Variants in ATG7 observed in about 807,000 individuals in gnomAD.
The protein encoded by ATG7 is ubiquitin-like modifier-activating enzyme ATG7.
Under a neutral mutation model 82.4 loss-of-function variants are expected in ATG7, and 70 were observed. The ratio of observed to expected loss-of-function variants is 0.85; its 90% confidence interval spans 0.70 to 1.04. The LOEUF is 1.04. ATG7 is among the 50% of genes least tolerant of loss of function. The pLI is 0.00. For synonymous variants in ATG7, 287 were observed against 313.0 expected (o/e 0.92, Z 0.88); for missense variants, 792 against 864.3 (o/e 0.92, Z 1.05).
At chr3:11,371,858 C>A (rs1349275167) in intron 18 of ATG7, among the ~76,000 whole-genome samples, 1 of 151,354 alleles carries the variant, frequency 6.6e-6, no homozygotes, top group Non-Finnish European at 1.5e-5. Context: ...ACATCTGCAG[C>A]CCCAACAGGT....
At chr3:11,378,027 A>AATTTTTTTTTTTTTTT (rs2077556246) in intron 18 of ATG7, among the ~76,000 whole-genome samples, 2 of 92,730 alleles carry the variant, frequency 2.2e-5, no homozygotes, top group South Asian at 9.1e-4. Flanking sequence ...CCAGTTACCA[A>AATTTTTTTTTTTTTTT]TTTTTTTTTT....
intron 14 of ATG7, among the ~76,000 whole-genome samples, chr3:11,355,485 A>G (rs1211064364): frequency 6.6e-6 from 1 of 152,242 alleles, no homozygotes; most frequent in Non-Finnish European, 1.5e-5. Flanking sequence ...CTTATCCAGA[A>G]CACGCAAGAT....
At chr3:11,418,972 C>G (rs577382008) in intron 19 of ATG7, among the ~76,000 whole-genome samples, 7 of 152,046 alleles carry the variant, frequency 4.6e-5, no homozygotes, top group Non-Finnish European at 2.9e-5. Flanking sequence ...GCCCCTCCCC[C>G]CCGATCCAGT....
At chr3:11,403,184 A>G (rs965050009) in intron 19 of ATG7, among the ~76,000 whole-genome samples, 1 of 152,236 alleles carries the variant, frequency 6.6e-6, no homozygotes, top group Non-Finnish European at 1.5e-5. Flanking sequence ...TTGTAAGACT[A>G]GAGTCTGATA....
At chr3:11,420,916 C>T (rs550459766) in intron 19 of ATG7, among the ~76,000 whole-genome samples, 17 of 151,938 alleles carry the variant, frequency 1.1e-4, no homozygotes, top group Middle Eastern at 3.4e-3. Context: ...CCACCTTGTC[C>T]GGCTAATTTT....
rs561041427 is a variant in ATG7, at chr3:11,409,021, A to G, written c.1957-17783A>G. On this transcript the variant is annotated intron_variant, in intron 19 of 20. Coordinates refer to ENST00000693202, the MANE Select transcript of ATG7 (RefSeq NM_001349232.2). Reference sequence around the variant, plus strand: ...TTTGTATTTTTATTGTTGTGTTCTAAGAGTTCTTCATGTATTTTGGATAAT... The same window carrying G: ...TTTGTATTTTTATTGTTGTGTTCTAGGAGTTCTTCATGTATTTTGGATAAT... Among the ~76,000 whole-genome samples the G allele has an allele frequency of 1.5e-4, 23 of 152,286 alleles. No homozygotes were observed. The South Asian group carries it at 3.5e-3, about 23-fold the overall frequency.
downstream of ATG7, chr3:11,558,752 G>A (rs371428293): frequency 2.1e-5 from 34 of 1,614,040 alleles, no homozygotes; most frequent in Admixed American, 3.3e-5. Flanking sequence ...GTTGGGTGCC[G>A]GCTCGGGCTC....
At chr3:11,342,908 T>C (rs1403201946) in intron 13 of ATG7, among the ~76,000 whole-genome samples, 3 of 151,212 alleles carry the variant, frequency 2.0e-5, no homozygotes, top group African/African-American at 2.4e-5. Context: ...TGAATGTCAA[T>C]ATTTTATATA....
At chr3:11,436,824 T>C (rs983029321) in intron 20 of ATG7, among the ~76,000 whole-genome samples, 1 of 152,168 alleles carries the variant, frequency 6.6e-6, no homozygotes. Context: ...ACACATATTG[T>C]AGGATCTCAT....
intron 18 of ATG7, among the ~76,000 whole-genome samples, chr3:11,370,090 C>A (rs1012845551): frequency 6.6e-6 from 1 of 151,146 alleles, no homozygotes; most frequent in Admixed American, 6.6e-5. Flanking sequence ...TTAAGTCACA[C>A]GTACTAAGCA....
intron 18 of ATG7, among the ~76,000 whole-genome samples, chr3:11,376,672 G>A (rs915707686): frequency 9.2e-5 from 14 of 152,212 alleles, no homozygotes; most frequent in African/African-American, 3.4e-4. Flanking sequence ...TAATTGGAAA[G>A]GTGGGTTGGG....
At chr3:11,357,305 T>A (rs1247518166) in intron 14 of ATG7, among the ~76,000 whole-genome samples, 1 of 152,144 alleles carries the variant, frequency 6.6e-6, no homozygotes, top group Non-Finnish European at 1.5e-5. Context: ...TATGTGGTCA[T>A]CAAGGGGCAG....
rs2070561495 is a variant in ATG7 at position 11,538,728 on chromosome 3, G to GC, written c.2080-16081dup. On this transcript the variant is annotated intron_variant, in intron 20 of 20. Transcript: ENST00000693202. Reference sequence around the variant, plus strand: ...AAAATTAGCCAAAAAAAAAAAAAAAGCCAGATGTGGTGGTGCAGGCCTGTG... The same window carrying GC: ...AAAATTAGCCAAAAAAAAAAAAAAAGCCCAGATGTGGTGGTGCAGGCCTGTG... Among the ~76,000 whole-genome samples the GC allele has an allele frequency of 4.8e-5, 3 of 63,128 alleles. No individual in the cohort carries two copies. In the Admixed American group the frequency reaches 5.6e-4, roughly 12 times the overall value. 41.4% of individuals were successfully genotyped at this position (63,128 alleles called of 152,430 possible). A position where few individuals can be genotyped will look rare whatever the true frequency, so the allele number is the denominator to read the frequency against.
At chr3:11,341,020 T>C (rs1007911345) in intron 12 of ATG7, among the ~76,000 whole-genome samples, 12 of 152,202 alleles carry the variant, frequency 7.9e-5, no homozygotes, top group African/African-American at 2.9e-4. Flanking sequence ...TTCAGTCCTT[T>C]ATGCATTGTC....
intron 13 of ATG7, 43 bp downstream of exon 13, chr3:11,342,322 T>C: frequency 6.3e-7 from 1 of 1,576,510 alleles, no homozygotes; most frequent in Non-Finnish European, 8.6e-7. Context: ...TTTGAAGTTG[T>C]AGCTTCTCTT....
rs368583309 is a variant in ATG7, at chr3:11,453,819, T to TG, written c.2079+26900dup. Among the ~76,000 whole-genome samples the TG allele has an allele frequency of 1.2e-4, 18 of 150,260 alleles. 1 individual carries two copies. The South Asian group carries it at 1.9e-3, about 16-fold the overall frequency. ...CTCAGTGATGGGGGAGTGCAAGGGGTGGGGGGGACATCTGGAGCCTGAAGC... is the reference window on the plus strand; with the variant it reads ...CTCAGTGATGGGGGAGTGCAAGGGGTGGGGGGGGACATCTGGAGCCTGAAGC... On this transcript the variant is annotated intron_variant, in intron 20 of 20. Transcript: ENST00000693202.
chr3:11,358,173 C>A (rs1336931966), intron 14 of ATG7, among the ~76,000 whole-genome samples: 1 of 152,116 alleles, frequency 6.6e-6, no homozygotes, highest in Non-Finnish European at 1.5e-5. Context: ...CACTTTGGAA[C>A]TGAGATCCGT....
intron 20 of ATG7, among the ~76,000 whole-genome samples, chr3:11,536,194 G>A (rs559853022): frequency 7.9e-5 from 12 of 152,222 alleles, no homozygotes; most frequent in Non-Finnish European, 1.8e-4. Context: ...GGAGAACCGA[G>A]AGGTTTTCAG....
At chr3:11,408,841 G>A (rs2080613456) in intron 19 of ATG7, among the ~76,000 whole-genome samples, 1 of 152,156 alleles carries the variant, frequency 6.6e-6, no homozygotes, top group Non-Finnish European at 1.5e-5. Context: ...TGAGATTTGG[G>A]TGGGGACACA....
Sources: allele counts gnomAD v4.1 joint callset (sites outside exome capture counted in the v4.1 genomes callset), GRCh38; gene constraint gnomAD v4.1.1; transcripts MANE v1.5; gene names NCBI Gene and HGNC (gene_info 2026-07-23, HGNC 2026-07-21).